PEX5L: variants seen among roughly 807,000 people sequenced by gnomAD.
PEX5L encodes the protein PEX5-related protein.
A neutral mutation model predicts 84.0 loss-of-function variants in PEX5L; 30 were observed. That is an observed-to-expected ratio of 0.36 (90% confidence interval 0.27 to 0.48). PEX5L has a LOEUF of 0.48. Among genes scored for constraint, PEX5L ranks in the 20% least tolerant of loss-of-function variants. The pLI, the probability that PEX5L is intolerant of heterozygous loss-of-function variation, is 0.99. For synonymous variants in PEX5L, 270 were observed against 283.1 expected (o/e 0.95, Z 0.46); for missense variants, 533 against 754.6 (o/e 0.71, Z 3.44).
intron 2 of PEX5L, among the ~76,000 whole-genome samples, chr3:179,931,454 T>G (rs1773087025): frequency 6.6e-6 from 1 of 152,218 alleles, no homozygotes; most frequent in Non-Finnish European, 1.5e-5. Context: ...TTTTAATCTC[T>G]TCACGGTCTG....
At chr3:180,013,811 T>A (rs937936207) in intron 1 of PEX5L, among the ~76,000 whole-genome samples, 1 of 152,210 alleles carries the variant, frequency 6.6e-6, no homozygotes, top group Non-Finnish European at 1.5e-5. Flanking sequence ...AAGAAAATAA[T>A]AATGATTGTA....
Position 179,923,032 on chromosome 3 carries a change from G to A in PEX5L, c.94-24786C>T, listed in dbSNP as rs552079549. On this transcript the variant is annotated intron_variant, in intron 2 of 14. Transcript: ENST00000467460. Reference sequence around the variant, plus strand: ...GGGCCAGGCACAGTGGCTCACGCCTGTAATCCCAGCACTTTGGGAGGCCGA... The same window carrying A: ...GGGCCAGGCACAGTGGCTCACGCCTATAATCCCAGCACTTTGGGAGGCCGA... Among the ~76,000 whole-genome samples, 6 of 151,974 alleles carry A rather than the reference G, an allele frequency of 3.9e-5. No homozygotes were observed. The South Asian group carries it at 1.0e-3, about 26-fold the overall frequency.
intron 2 of PEX5L, among the ~76,000 whole-genome samples, chr3:179,935,991 G>A (rs1221572079): frequency 1.3e-5 from 2 of 152,222 alleles, no homozygotes; most frequent in Non-Finnish European, 2.9e-5. Flanking sequence ...CCAGCACCAC[G>A]TTTCTTGGAC....
intron 1 of PEX5L, among the ~76,000 whole-genome samples, chr3:180,036,258 A>G (rs193049386): frequency 3.2e-4 from 49 of 152,314 alleles, no homozygotes; most frequent in African/African-American, 1.1e-3. Flanking sequence ...AGATGCATCA[A>G]TAGGATTACA....
At chr3:179,832,744 GTACC>G (rs997450398) in intron 8 of PEX5L, among the ~76,000 whole-genome samples, 3 of 133,022 alleles carry the variant, frequency 2.3e-5, no homozygotes, top group East Asian at 2.2e-4. Flanking sequence ...ACCTACCCAC[GTACC>G]TACCTACCTA....
chr3:179,979,418 T>G (rs1427643915), intron 1 of PEX5L, among the ~76,000 whole-genome samples: 1 of 152,236 alleles, frequency 6.6e-6, no homozygotes, highest in Non-Finnish European at 1.5e-5. Context: ...GGGCTGAAGA[T>G]AATGATGATT....
In PEX5L at chr3:179,950,544, C is replaced by T. The variant is rs114138359; in HGVS notation, c.93+21050G>A. ...ATTTAAAAAATGTAAAAAAAAATAC[C>T]TCTTTCCCATCTTCTCACATCTTTA... On this transcript the variant is annotated intron_variant, in intron 2 of 14. Coordinates refer to ENST00000467460, the MANE Select transcript of PEX5L (RefSeq NM_016559.3). Among the ~76,000 whole-genome samples, 168 of 152,260 alleles carry T rather than the reference C, an allele frequency of 1.1e-3. 1 individual carries two copies. The highest frequency in any genetic ancestry group is 3.9e-3 in the African/African-American group (160 of 41,556).
At chr3:179,981,945 C>T (rs572161233) in intron 1 of PEX5L, among the ~76,000 whole-genome samples, 12 of 152,098 alleles carry the variant, frequency 7.9e-5, no homozygotes, top group Non-Finnish European at 1.6e-4. Context: ...ACTAACTGCC[C>T]AGGGAGTATA....
chr3:179,887,251 C>A (rs1188541709), intron 4 of PEX5L, among the ~76,000 whole-genome samples: 1 of 152,180 alleles, frequency 6.6e-6, no homozygotes, highest in Non-Finnish European at 1.5e-5. Flanking sequence ...GATATTTTGT[C>A]ATTTAAATCC....
chr3:179,869,840 A>G (rs1749662621), intron 7 of PEX5L, among the ~76,000 whole-genome samples: 1 of 152,232 alleles, frequency 6.6e-6, no homozygotes, highest in Non-Finnish European at 1.5e-5. Flanking sequence ...ATTATAACAC[A>G]TGGTAAAGAT....
chr3:179,951,120 C>T (rs1235555170), intron 2 of PEX5L, among the ~76,000 whole-genome samples: 8 of 152,208 alleles, frequency 5.3e-5, no homozygotes. Flanking sequence ...CTCTCCCTCC[C>T]ACCTCAATGA....
chr3:179,835,957 C>CAGAAAATTTTT (rs1237665508), intron 8 of PEX5L, among the ~76,000 whole-genome samples: 104 of 152,014 alleles, frequency 6.8e-4, no homozygotes, highest in African/African-American at 2.2e-3. Context: ...TCAAATACTT[C>CAGAAAATTTTT]AGAAAATTTT....
intron 1 of PEX5L, among the ~76,000 whole-genome samples, chr3:180,014,426 C>G (rs577294354): frequency 5.9e-5 from 9 of 151,562 alleles, no homozygotes; most frequent in African/African-American, 2.2e-4. Context: ...GAGCCAAGAT[C>G]GCGCCACTGC....
At chr3:179,847,740 T>G (rs1176222343) in intron 8 of PEX5L, among the ~76,000 whole-genome samples, 3 of 152,318 alleles carry the variant, frequency 2.0e-5, no homozygotes, top group African/African-American at 7.2e-5. Context: ...TGAGACAGGT[T>G]CTCTCTCTGT....
intron 1 of PEX5L, chr3:179,973,191 A>C (rs1560997222): frequency 7.8e-7 from 1 of 1,288,862 alleles, no homozygotes; most frequent in Non-Finnish European, 1.0e-6. Flanking sequence ...CGGTTTCTGG[A>C]CAAAAGGGCA....
At chr3:179,898,674 G>A (rs975124312) in intron 2 of PEX5L, among the ~76,000 whole-genome samples, 10 of 151,718 alleles carry the variant, frequency 6.6e-5, no homozygotes, top group African/African-American at 2.4e-4. Flanking sequence ...TCCCACAGAG[G>A]GCTTTTGCTG....
intron 2 of PEX5L, among the ~76,000 whole-genome samples, chr3:179,958,986 T>C (rs1781325017): frequency 6.6e-6 from 1 of 151,410 alleles, no homozygotes; most frequent in Non-Finnish European, 1.5e-5. Flanking sequence ...GAGATCGCGC[T>C]GCTGCATTCC....
intron 2 of PEX5L, among the ~76,000 whole-genome samples, chr3:179,940,910 G>T (rs1401292337): frequency 6.6e-6 from 1 of 152,212 alleles, no homozygotes; most frequent in African/African-American, 2.4e-5. Context: ...GAAACAGGAG[G>T]GGAAGAGTCT....
intron 1 of PEX5L, among the ~76,000 whole-genome samples, chr3:180,002,632 G>A (rs1788527624): frequency 6.6e-6 from 1 of 151,986 alleles, no homozygotes; most frequent in Non-Finnish European, 1.5e-5. Context: ...CAAATGTGTT[G>A]TAAATATTTG....
Sources: allele counts gnomAD v4.1 joint callset (sites outside exome capture counted in the v4.1 genomes callset), GRCh38; gene constraint gnomAD v4.1.1; transcripts MANE v1.5; gene names NCBI Gene and HGNC (gene_info 2026-07-23, HGNC 2026-07-21).